Variants in PODXL2 observed in about 807,000 individuals in gnomAD.
PODXL2 encodes the protein podocalyxin-like protein 2.
PODXL2 carries 17 observed loss-of-function variants against 53.4 expected under a neutral mutation model. The observed-to-expected ratio is 0.32, with a 90% CI of 0.22 to 0.48. The LOEUF (loss-of-function observed/expected upper bound fraction) is 0.48, where lower values mean the gene tolerates loss of function less well. Ranked by LOEUF, PODXL2 falls within the 20% of genes least tolerant of loss-of-function variation. The pLI is 0.99. For synonymous variants in PODXL2, 311 were observed against 306.7 expected (o/e 1.01, Z -0.15); for missense variants, 673 against 760.0 (o/e 0.89, Z 1.35).
rs1364866691 is a variant in PODXL2, at chr3:127,660,837, T to TG, written c.810dup (p.Pro271AlafsTer53). On this transcript the variant is annotated frameshift_variant, in exon 3 of 8. Coordinates refer to ENST00000342480, the MANE Select transcript of PODXL2 (RefSeq NM_015720.4). LOFTEE classifies it high-confidence loss of function. ...AGCCAAGAGGCAGAGGCCACAGTGC[T>TG]GCCAGCTGCAGGGCTTGGGGTAGAG... is the stretch of plus-strand genomic sequence containing the variant. 1 of 1,614,230 alleles carries TG rather than the reference T, an allele frequency of 6.2e-7. No homozygotes were observed.
At chr3:127,663,542 A>G (rs1212718818) in intron 4 of PODXL2, among the ~76,000 whole-genome samples, 1 of 152,216 alleles carries the variant, frequency 6.6e-6, no homozygotes, top group Non-Finnish European at 1.5e-5. Flanking sequence ...TTCCCCCACC[A>G]TCACTATACT....
At chr3:127,645,499 G>T (rs1268218343) in intron 2 of PODXL2, among the ~76,000 whole-genome samples, 2 of 152,244 alleles carry the variant, frequency 1.3e-5, no homozygotes, top group African/African-American at 2.4e-5. Flanking sequence ...GGTTATGCTG[G>T]TGGTGCCCTG....
At chr3:127,642,720 C>T (rs1430332428) in intron 2 of PODXL2, among the ~76,000 whole-genome samples, 1 of 152,096 alleles carries the variant, frequency 6.6e-6, no homozygotes, top group African/African-American at 2.4e-5. Flanking sequence ...TCATTATATA[C>T]AGAATATGTG....
chr3:127,634,052 T>C (rs1287314373), intron 1 of PODXL2, among the ~76,000 whole-genome samples: 1 of 151,706 alleles, frequency 6.6e-6, no homozygotes, highest in Non-Finnish European at 1.5e-5. Flanking sequence ...GGGGAGGTAA[T>C]GGTCAGTTTA....
rs369919852 is a variant in PODXL2 at position 127,650,889 on chromosome 3, G to C, written c.350-9489G>C. 2.0e-5 allele frequency among the ~76,000 whole-genome samples: 3 copies of C among 152,194 alleles called. No homozygotes were observed. In the East Asian group the frequency reaches 5.9e-4, roughly 30 times the overall value. On this transcript the variant is annotated intron_variant, in intron 2 of 7. Coordinates refer to ENST00000342480, the MANE Select transcript of PODXL2 (RefSeq NM_015720.4). ...TTAGCCAGGATGGTCTCCATCTCCT[G>C]ACCTCGTGATCCACCCACCTCAGCC...
chr3:127,672,368 C>G lies in PODXL2; in HGVS notation c.1706C>G (p.Pro569Arg). The G allele has an allele frequency of 6.5e-7, 1 of 1,548,732 alleles. No individual in the cohort carries two copies. The highest frequency in any genetic ancestry group is 8.7e-7 in the Non-Finnish European group (1 of 1,147,364). Residue 569 changes from proline to arginine, a missense_variant, in exon 8 of 8, where the codon CCC becomes CGC. This residue lies in a region of PODXL2 where 79 missense variants were observed against 70.5 expected (regional missense o/e 1.12). Transcript: ENST00000342480. Reference sequence around the variant, plus strand: ...CAGTCGGAGATGCAGGAGAAGCACCCCAGCCTGAACGGCGGCGGGGCCCTC... The same window carrying G: ...CAGTCGGAGATGCAGGAGAAGCACCGCAGCCTGAACGGCGGCGGGGCCCTC... ...DSQSEMQEKH[P>R]SLNGGGALNG...
intron 1 of PODXL2, among the ~76,000 whole-genome samples, chr3:127,631,290 G>C (rs1034388731): frequency 6.6e-6 from 1 of 152,180 alleles, no homozygotes; most frequent in Non-Finnish European, 1.5e-5. Context: ...CAAAGACCCT[G>C]CTTAGGGGAG....
intron 3 of PODXL2, 32 bp downstream of exon 3, chr3:127,661,191 G>C (rs1020818404): frequency 5.2e-6 from 8 of 1,539,360 alleles, no homozygotes; most frequent in African/African-American, 1.4e-5. Flanking sequence ...CCACCACCCT[G>C]TACCTTCTTC....
intron 2 of PODXL2, among the ~76,000 whole-genome samples, chr3:127,650,669 G>A (rs559083623): frequency 3.3e-5 from 5 of 151,778 alleles, no homozygotes; most frequent in African/African-American, 7.2e-5. Flanking sequence ...TGTTGTTGTC[G>A]TTGTTGTGAC....
At position 127,639,477 on chromosome 3, in the gene PODXL2, G is replaced by C. The variant is rs1212831229; in HGVS notation, c.303G>C (p.Glu101Asp). Residue 101 changes from glutamate (E) to aspartate (D), a missense_variant, in exon 2 of 8, where the codon GAG (glutamate) becomes GAC (aspartate). Coordinates refer to ENST00000342480, the MANE Select transcript of PODXL2 (RefSeq NM_015720.4). ...AGCCACCACAGTACTTCTGGGAAGA[G>C]GAGGAAGAGCTGAATGACTCAAGTC... is the stretch of plus-strand genomic sequence containing the variant. ...ILQPPQYFWEEEEELNDSSLD... is the reference protein window; with the variant it reads ...ILQPPQYFWEDEEELNDSSLD... The C allele has an allele frequency of 3.7e-6, 6 of 1,614,228 alleles. No individual in the cohort carries two copies. The highest frequency in any genetic ancestry group is 1.1e-5 in the South Asian group (1 of 91,086).
chr3:127,660,190 T>C (rs2074755389), intron 2 of PODXL2, among the ~76,000 whole-genome samples, 188 bp from the exon 3 acceptor site: 1 of 152,134 alleles, frequency 6.6e-6, no homozygotes, highest in Admixed American at 6.5e-5. Flanking sequence ...TTTATCATCA[T>C]AAAGGAAACA....
chr3:127,652,405 C>G (rs962902420), intron 2 of PODXL2, among the ~76,000 whole-genome samples: 4 of 152,146 alleles, frequency 2.6e-5, no homozygotes, highest in Admixed American at 6.5e-5. Context: ...GGTCGGGAGC[C>G]CAGGAGCCTA....
At chr3:127,660,205 C>G (rs919581633) in intron 2 of PODXL2, among the ~76,000 whole-genome samples, 173 bp from the exon 3 acceptor site, 2 of 152,298 alleles carry the variant, frequency 1.3e-5, no homozygotes, top group East Asian at 3.9e-4. Flanking sequence ...GAAACAGTGA[C>G]TAGCCTTGTC....
intron 4 of PODXL2, among the ~76,000 whole-genome samples, chr3:127,662,772 T>C (rs554012599): frequency 5.8e-4 from 89 of 152,298 alleles, no homozygotes; most frequent in South Asian, 3.7e-3. Flanking sequence ...CAGCTATGGC[T>C]TCTCATGAGA....
chr3:127,660,957 C>T lies in PODXL2; in HGVS notation c.929C>T (p.Pro310Leu), dbSNP rs1244911893. ...GAGGTGCCGGCCTTGCCTTCATTCC[C>T]TCAAACCACAGCTCCCAGTGGGGCC... ...HEEVPALPSF[P>L]QTTAPSGAEH... is the part of the protein sequence containing the mutation. Residue 310 changes from proline to leucine, a missense_variant, in exon 3 of 8, where the codon CCT (proline) becomes CTT (leucine). This residue lies in a region of PODXL2 where 588 missense variants were observed against 668.3 expected (regional missense o/e 0.88). Transcript: ENST00000342480. 6.2e-7 allele frequency: 1 copy of T among 1,614,242 alleles called. No homozygotes were observed. Among genetic ancestry groups the T allele is most frequent in the East Asian group, 2.2e-5 (1 of 44,892 alleles).
At chr3:127,651,495 A>G (rs2107709082) in intron 2 of PODXL2, among the ~76,000 whole-genome samples, 1 of 152,366 alleles carries the variant, frequency 6.6e-6, no homozygotes, top group Admixed American at 6.5e-5. Flanking sequence ...AGGAACCATC[A>G]CAGCTGGGTT....
chr3:127,657,866 A>G (rs2107541664), intron 2 of PODXL2, among the ~76,000 whole-genome samples: 1 of 152,308 alleles, frequency 6.6e-6, no homozygotes, highest in Non-Finnish European at 1.5e-5. Flanking sequence ...AAATATATTT[A>G]TTCTTCTATA....
intron 1 of PODXL2, among the ~76,000 whole-genome samples, chr3:127,630,964 C>A (rs748442089): frequency 2.0e-5 from 3 of 152,236 alleles, no homozygotes; most frequent in Non-Finnish European, 2.9e-5. Context: ...GCTTATGTGA[C>A]CAGCTGTGAG....
At position 127,631,062 on chromosome 3, in the gene PODXL2, G is replaced by A. The variant is rs79524290; in HGVS notation, c.70+1773G>A. Among the ~76,000 whole-genome samples, 2,672 of 152,306 alleles carry A rather than the reference G, an allele frequency of 0.018. 220 individuals carry two copies. The East Asian group carries it at 0.27, about 15-fold the overall frequency. On this transcript the variant is annotated intron_variant, in intron 1 of 7. Transcript: ENST00000342480. ...TACCCCCTGCTTGGAGGGCATGTGC[G>A]TGTGTCTAGCAGTGTGTCTCTTTCT...
Sources: gnomAD v4.1 joint callset for allele counts (sites outside exome capture counted in the v4.1 genomes callset) on GRCh38, gnomAD v4.1.1 for gene constraint, gnomAD v4.1.1 regional missense constraint, MANE v1.5 for transcripts, NCBI Gene and HGNC (gene_info 2026-07-23, HGNC 2026-07-21) for gene names.